The following PPP6R2 variants were observed in gnomAD, a reference collection of about 807,000 sequenced individuals.
PPP6R2 encodes the protein protein phosphatase 6 regulatory subunit 2, also known as serine/threonine-protein phosphatase 6 regulatory subunit 2.
Under a neutral mutation model 100.2 loss-of-function variants are expected in PPP6R2, and 62 were observed. That is an observed-to-expected ratio of 0.62 (90% CI 0.50 to 0.76). PPP6R2 has a LOEUF of 0.76. PPP6R2 is among the 30% of genes least tolerant of loss of function. The probability of loss-of-function intolerance (pLI) is 0.00; values close to 1 mark genes in which losing one functional copy is unlikely to be tolerated. For synonymous variants in PPP6R2, 525 were observed against 514.7 expected, an observed-to-expected ratio of 1.02 and a Z score of -0.27; for missense variants, 1,142 against 1,276.3, an observed-to-expected ratio of 0.89 and a Z score of 1.60.
chr22:50,361,577 G>T (rs1386183953), intron 1 of PPP6R2, among the ~76,000 whole-genome samples: 1 of 151,814 alleles, frequency 6.6e-6, no homozygotes, highest in Non-Finnish European at 1.5e-5. Flanking sequence ...CTGCTTTTTG[G>T]TGCTGTTTTC....
intron 3 of PPP6R2, among the ~76,000 whole-genome samples, chr22:50,401,368 G>A (rs7292268): frequency 0.23 from 34,779 of 150,898 alleles, 4,176 homozygotes; most frequent in East Asian, 0.35. Flanking sequence ...CACCACGCCC[G>A]GCTAATTTTT....
Position 50,415,063 on chromosome 22 carries a change from GAGAGCCCCGGTGGACAGCAGTTCCCTGC to G in PPP6R2, c.552+384_552+411del, listed in dbSNP as rs971256104. ...CTGCGTCCAGGCCTGTGCCTGCCAGGAGAGCCCCGGTGGACAGCAGTTCCCTGCAGAGCCCCGTTGTTTACCCTGGAGT... is the reference window on the plus strand; with the variant it reads ...CTGCGTCCAGGCCTGTGCCTGCCAGGAGAGCCCCGTTGTTTACCCTGGAGT... On this transcript the variant is annotated intron_variant, in intron 5 of 23. Transcript: ENST00000612753. Among the ~76,000 whole-genome samples, 20 of 152,318 alleles carry G rather than the reference GAGAGCCCCGGTGGACAGCAGTTCCCTGC, an allele frequency of 1.3e-4. 2 individuals are homozygous for G. The highest frequency in any genetic ancestry group is 4.6e-4 in the African/African-American group (19 of 41,572).
In PPP6R2 at chr22:50,418,953, A is replaced by G. The variant is rs754476756; in HGVS notation, c.705A>G (p.Pro235=). Residue 235 remains proline (P), a synonymous_variant, in exon 7 of 24, where the codon CCA becomes CCG. Coordinates refer to ENST00000612753, the MANE Select transcript of PPP6R2 (RefSeq NM_001242898.2). ...GTCAGCTGCAAGAGGCTCTGGAGCC[A>G]GACCCGCTCCTCACAGCGCTGGAGT... The part of the protein sequence containing the change: ...QGSQLQEALE[P]DPLLTALESQ... 16 of 1,613,670 alleles carry G rather than the reference A, an allele frequency of 9.9e-6. No individual in the cohort carries two copies. Among genetic ancestry groups the G allele is most frequent in the Non-Finnish European group, 3.4e-6 (4 of 1,179,732 alleles).
chr22:50,397,979 GC>G (rs1372606047), intron 3 of PPP6R2, among the ~76,000 whole-genome samples: 5 of 150,684 alleles, frequency 3.3e-5, no homozygotes, highest in Non-Finnish European at 5.9e-5. Context: ...GGGCAGGGGG[GC>G]CTGTCCTCAC....
chr22:50,436,607 C>T (rs1284839875), intron 14 of PPP6R2, among the ~76,000 whole-genome samples, 155 bp downstream of exon 14: 4 of 152,260 alleles, frequency 2.6e-5, no homozygotes, highest in Admixed American at 6.5e-5. Context: ...CATAGTGTGT[C>T]CTCCGGGCTG....
At chr22:50,335,405 G>A in the PPP6R2 span, among the ~76,000 whole-genome samples, 1 of 150,348 alleles carries the variant, frequency 6.7e-6, no homozygotes, top group Non-Finnish European at 1.5e-5. Context: ...TCACCATATT[G>A]GCCAGACTGG....
In PPP6R2 at chr22:50,435,004, TCA is replaced by T; in HGVS notation, c.1443_1444del (p.Arg482AspfsTer63). The T allele has an allele frequency of 1.2e-6, 2 of 1,605,698 alleles. No homozygotes were observed. The highest frequency in any genetic ancestry group is 1.7e-6 in the Non-Finnish European group (2 of 1,176,608). ...ATGAGACGTGGGAACATGGGCCACC[TCA>T]CACGGATCGCCAACGCGGTGGTGCA... is the stretch of plus-strand genomic sequence containing the variant. On this transcript the variant is annotated frameshift_variant, in exon 13 of 24. Coordinates refer to ENST00000612753, the MANE Select transcript of PPP6R2 (RefSeq NM_001242898.2). LOFTEE classifies it high-confidence loss of function.
At chr22:50,367,407 G>A (rs1245616585) in intron 1 of PPP6R2, among the ~76,000 whole-genome samples, 1 of 152,098 alleles carries the variant, frequency 6.6e-6, no homozygotes, top group African/African-American at 2.4e-5. Flanking sequence ...GGAGGGCACA[G>A]GCAAAAGAAG....
Position 50,438,764 on chromosome 22 carries a change from T to C in PPP6R2, c.2128+2T>C. 1 of 1,590,562 alleles carries C rather than the reference T, an allele frequency of 6.3e-7. No homozygotes were observed. The highest frequency in any genetic ancestry group is 8.6e-7 in the Non-Finnish European group (1 of 1,168,844). ...CCCCTGTGGAGGGTGACTCAGAAGG[T>C]GGTGCTGGGCGCCAGGGGCTGGGAG... On this transcript the variant is annotated splice_donor_variant, in intron 19 of 23. Transcript: ENST00000612753. LOFTEE classifies it high-confidence loss of function.
chr22:50,337,295 TG>T, the PPP6R2 span, among the ~76,000 whole-genome samples: 1 of 138,632 alleles, frequency 7.2e-6, no homozygotes, highest in African/African-American at 2.8e-5. Flanking sequence ...GTGTGGTATG[TG>T]GGGGTGTGTG....
At chr22:50,363,486 C>T (rs1332496087) in intron 1 of PPP6R2, among the ~76,000 whole-genome samples, 1 of 152,214 alleles carries the variant, frequency 6.6e-6, no homozygotes, top group African/African-American at 2.4e-5. Flanking sequence ...TTAGCCTAGG[C>T]CTGAGTGCTT....
In PPP6R2 at chr22:50,440,058, G is replaced by A; in HGVS notation, c.2374+9G>A. 1 of 1,608,874 alleles carries A rather than the reference G, an allele frequency of 6.2e-7. No individual in the cohort carries two copies. Reference sequence around the variant, plus strand: ...AGGCCCTGAGAAAGCCTGTGAGTAGGAGCAGTGCAGGCGGCACCCAGCCTT... The same window carrying A: ...AGGCCCTGAGAAAGCCTGTGAGTAGAAGCAGTGCAGGCGGCACCCAGCCTT... On this transcript the variant is annotated intron_variant, in intron 21 of 23. Transcript: ENST00000612753.
chr22:50,373,913 T>C (rs1482456204), intron 2 of PPP6R2, among the ~76,000 whole-genome samples: 1 of 152,094 alleles, frequency 6.6e-6, no homozygotes, highest in Non-Finnish European at 1.5e-5. Flanking sequence ...TTTGTGTTTT[T>C]AGTAGTGACG....
intron 4 of PPP6R2, among the ~76,000 whole-genome samples, chr22:50,408,027 G>A (rs2059217071): frequency 6.6e-6 from 1 of 152,048 alleles, no homozygotes; most frequent in African/African-American, 2.4e-5. Flanking sequence ...GGGACTACAG[G>A]CACATAACAC....
chr22:50,426,854 C>A (rs1469969428), intron 10 of PPP6R2, among the ~76,000 whole-genome samples: 2 of 131,220 alleles, frequency 1.5e-5, no homozygotes, highest in Non-Finnish European at 3.3e-5. Context: ...AAAAAAAACA[C>A]CGTCCTTTCC....
chr22:50,360,350 C>A (rs937521429), intron 1 of PPP6R2, among the ~76,000 whole-genome samples: 7 of 135,360 alleles, frequency 5.2e-5, no homozygotes, highest in African/African-American at 1.9e-4. Flanking sequence ...CATGCTCAGC[C>A]TTTTTTTTTT....
In PPP6R2 at chr22:50,438,741, C is replaced by G. The variant is rs146343309; in HGVS notation, c.2107C>G (p.Pro703Ala). The G allele has an allele frequency of 2.1e-5, 33 of 1,601,384 alleles. No homozygotes were observed. In the African/African-American group the frequency reaches 2.9e-4, roughly 14 times the overall value. The change falls in exon 19 of 24, where the codon CCT (proline) becomes GCT (alanine). Residue 703 changes from proline to alanine, a missense_variant. By Grantham distance (27) the Pro-to-Ala change is conservative. Transcript: ENST00000612753. ...GGCCCCCGGGAAGAAGGAAGCGCCC[C>G]CTGTGGAGGGTGACTCAGAAGGTGG... The part of the protein sequence containing the change: ...PPAPGKKEAP[P>A]VEGDSEGAMW...
Position 50,380,401 on chromosome 22 carries a change from C to T in PPP6R2, c.-17+8251C>T, listed in dbSNP as rs577044404. The stretch of plus-strand genomic sequence containing the variant: ...TTTTTGAGATGGAGTCTCTCTGCCA[C>T]CCAGGCTGGAGTGCAGTGGTGCAGT... On this transcript the variant is annotated intron_variant, in intron 2 of 23. Transcript: ENST00000612753. Among the ~76,000 whole-genome samples the T allele has an allele frequency of 2.7e-5, 4 of 150,242 alleles. No homozygotes were observed. In the East Asian group the frequency reaches 6.0e-4, roughly 23 times the overall value.
At chr22:50,436,934 G>A in intron 14 of PPP6R2, 54 bp from the exon 15 acceptor site, 1 of 1,451,270 alleles carries the variant, frequency 6.9e-7, no homozygotes, top group Non-Finnish European at 9.5e-7. Flanking sequence ...GGCTGGGTGG[G>A]GTCTGGGGCG....
Sources: allele counts gnomAD v4.1 joint callset (sites outside exome capture counted in the v4.1 genomes callset), GRCh38; gene constraint gnomAD v4.1.1; transcripts MANE v1.5; gene names NCBI Gene and HGNC (gene_info 2026-07-23, HGNC 2026-07-21).